Variants in GSTT4 observed in about 807,000 individuals in gnomAD.
GSTT4 encodes glutathione S-transferase theta 4, also known as glutathione S-transferase theta-4.
intron 2 of GSTT4, among the ~76,000 whole-genome samples, chr22:24,001,958 T>C (rs1210410436): frequency 6.6e-6 from 1 of 152,250 alleles, no homozygotes; most frequent in Non-Finnish European, 1.5e-5. Context: ...GCCACTGTAC[T>C]CCAGCCTGGG....
downstream of GSTT4, among the ~76,000 whole-genome samples, chr22:23,996,640 AT>A: frequency 8.1e-6 from 1 of 123,740 alleles, no homozygotes; most frequent in East Asian, 2.3e-4. Flanking sequence ...ACACTGATTG[AT>A]TTTTGTATGT....
chr22:24,005,025 C>T (rs780224114), intron 1 of GSTT4: 25 of 152,288 alleles, frequency 1.6e-4, no homozygotes, highest in Non-Finnish European at 3.4e-4. Flanking sequence ...ATTAGCTGGG[C>T]GTGGTGGCAT....
chr22:23,996,254 A>G (rs1335350094), downstream of GSTT4, among the ~76,000 whole-genome samples: 1 of 152,056 alleles, frequency 6.6e-6, no homozygotes, highest in African/African-American at 2.4e-5. Context: ...GAACTTGTTT[A>G]TTAGCTCTAA....
chr22:23,990,992 A>G, the GSTT4 span, among the ~76,000 whole-genome samples: 1 of 96,502 alleles, frequency 1.0e-5, no homozygotes, highest in African/African-American at 3.2e-5. Flanking sequence ...GAAACACAGC[A>G]AGACCTCCTC....
intron 2 of GSTT4, among the ~76,000 whole-genome samples, chr22:24,003,256 C>G (rs919502783): frequency 0.12 from 8,096 of 65,352 alleles, no homozygotes; most frequent in South Asian, 0.21. Context: ...CTGTTGCCCA[C>G]GCTGAAGTGC....
At chr22:23,999,164 T>G (rs2034170978) in intron 4 of GSTT4, among the ~76,000 whole-genome samples, 2 of 152,080 alleles carry the variant, frequency 1.3e-5, no homozygotes, top group African/African-American at 4.8e-5. Context: ...ATGGGAGACC[T>G]GGCGGGCAGT....
At chr22:24,000,646 A>G (rs147110937) in intron 3 of GSTT4, among the ~76,000 whole-genome samples, 1 of 141,882 alleles carries the variant, frequency 7.0e-6, no homozygotes, top group East Asian at 2.0e-4. Flanking sequence ...GCCAACTCCA[A>G]CTCCTGGGTT....
At chr22:23,992,467 A>G in the GSTT4 span, among the ~76,000 whole-genome samples, 11,387 of 149,300 alleles carry the variant, frequency 0.076, 129 homozygotes, top group African/African-American at 0.13. Context: ...GCAGTAGAGC[A>G]CAGGCCCCAG....
chr22:23,991,107 G>A, the GSTT4 span, among the ~76,000 whole-genome samples: 1 of 77,904 alleles, frequency 1.3e-5, no homozygotes, highest in Admixed American at 1.5e-4. Context: ...AAGCCTGGAA[G>A]GTCAAGGCTG....
the GSTT4 span, among the ~76,000 whole-genome samples, chr22:23,991,821 G>A: frequency 8.0e-3 from 1,081 of 135,608 alleles, 20 homozygotes; most frequent in African/African-American, 0.027. Context: ...TTGGGAGACC[G>A]AGGGGGGTGG....
At chr22:23,999,700 C>G (rs1314284681) in intron 4 of GSTT4, among the ~76,000 whole-genome samples, 1 of 139,934 alleles carries the variant, frequency 7.1e-6, no homozygotes, top group South Asian at 2.4e-4. Flanking sequence ...GGGAAACAGG[C>G]AGGGCCAGAA....
the GSTT4 span, among the ~76,000 whole-genome samples, chr22:23,989,943 C>T: frequency 6.6e-6 from 1 of 151,102 alleles, no homozygotes; most frequent in African/African-American, 2.4e-5. Flanking sequence ...CTTCTGTGTC[C>T]AGCCCCTGTT....
At chr22:23,997,353 A>T (rs1435300690), downstream of GSTT4, among the ~76,000 whole-genome samples, 2 of 152,012 alleles carry the variant, frequency 1.3e-5, no homozygotes, top group Non-Finnish European at 2.9e-5. Context: ...GTTAGCTAAG[A>T]CTACAGGCTT....
downstream of GSTT4, among the ~76,000 whole-genome samples, chr22:23,996,228 CA>C (rs1339634525): frequency 4.6e-5 from 7 of 151,260 alleles, no homozygotes; most frequent in African/African-American, 1.5e-4. Context: ...AGGTGTGAGC[CA>C]CCGTGCCCAG....
At chr22:23,989,823 G>C in the GSTT4 span, among the ~76,000 whole-genome samples, 1 of 149,218 alleles carries the variant, frequency 6.7e-6, no homozygotes, top group African/African-American at 2.4e-5. Context: ...TTGGATCAGA[G>C]GACCTCAGTC....
the GSTT4 span, among the ~76,000 whole-genome samples, chr22:23,991,092 C>T: frequency 1.2e-5 from 1 of 82,330 alleles, no homozygotes; most frequent in African/African-American, 3.7e-5. Context: ...GCGGGAGGAT[C>T]GCTTAAGCCT....
downstream of GSTT4, among the ~76,000 whole-genome samples, chr22:23,993,551 G>A (rs1158187158): frequency 6.6e-6 from 1 of 152,218 alleles, no homozygotes; most frequent in Non-Finnish European, 1.5e-5. Context: ...TGGGCTGGAG[G>A]CCCCTAGGGG....
At chr22:23,994,174 AT>A (rs1331875904), downstream of GSTT4, among the ~76,000 whole-genome samples, 2 of 140,368 alleles carry the variant, frequency 1.4e-5, no homozygotes, top group East Asian at 2.0e-4. Context: ...TATGCTTCAT[AT>A]TTTTTGTAGC....
downstream of GSTT4, among the ~76,000 whole-genome samples, chr22:23,997,444 A>G (rs577126502): frequency 6.6e-6 from 1 of 151,976 alleles, no homozygotes; most frequent in South Asian, 2.1e-4. Flanking sequence ...GCTGTTCTCA[A>G]TCTCCTGGCC....
Sources: allele counts gnomAD v4.1 joint callset (sites outside exome capture counted in the v4.1 genomes callset), GRCh38; gene constraint gnomAD v4.1.1; transcripts MANE v1.5; gene names NCBI Gene and HGNC (gene_info 2026-07-23, HGNC 2026-07-21).